FAM193A: variants seen among roughly 807,000 people sequenced by gnomAD.
FAM193A encodes the protein protein FAM193A.
Under a neutral mutation model 126.5 loss-of-function variants are expected in FAM193A, and 22 were observed. The observed-to-expected ratio is 0.17, with a 90% CI of 0.12 to 0.25. The LOEUF (loss-of-function observed/expected upper bound fraction) is 0.25. Among genes scored for constraint, FAM193A ranks in the 10% least tolerant of loss-of-function variants. The pLI, the probability that FAM193A is intolerant of heterozygous loss-of-function variation, is 1.00. For synonymous variants in FAM193A, 761 were observed against 646.8 expected, an observed-to-expected ratio of 1.18 and a Z score of -2.68; for missense variants, 1,675 against 1,672.8, an observed-to-expected ratio of 1.00 and a Z score of -0.02.
intron 7 of FAM193A, among the ~76,000 whole-genome samples, chr4:2,655,515 C>G (rs939001245): frequency 2.0e-5 from 3 of 152,018 alleles, no homozygotes; most frequent in Admixed American, 6.6e-5. Flanking sequence ...TTTCACACTG[C>G]TGGCCAGGCT....
chr4:2,730,419 G>A (rs1274894819), intron 20 of FAM193A, among the ~76,000 whole-genome samples: 2 of 152,124 alleles, frequency 1.3e-5, no homozygotes, highest in African/African-American at 4.8e-5. Flanking sequence ...GGCCGGGCGC[G>A]GTGGCTCACG....
chr4:2,640,377 A>T (rs1011171299), intron 6 of FAM193A, among the ~76,000 whole-genome samples: 19 of 152,140 alleles, frequency 1.2e-4, no homozygotes, highest in Admixed American at 3.3e-4. Context: ...TTCACTGAGA[A>T]AAAGGGGTGC....
In FAM193A at chr4:2,700,035, C is replaced by G; in HGVS notation, c.3863C>G (p.Pro1288Arg). ...SRHMNHSEPR[P>R]GLGADGDAAD... ...CATATGAACCACTCAGAGCCCAGGC[C>G]AGGGCTAGGGGCTGATGGGGATGCT... The change falls in exon 19 of 21, where the codon CCA becomes CGA. Residue 1288 changes from proline (P) to arginine (R), a missense_variant. Pro to Arg is a moderately radical substitution (Grantham distance 103, BLOSUM62 -2). Coordinates refer to ENST00000637812, the MANE Select transcript of FAM193A (RefSeq NM_001366318.2). The G allele has an allele frequency of 1.2e-6, 2 of 1,613,960 alleles. No homozygotes were observed. Among genetic ancestry groups the G allele is most frequent in the Admixed American group, 3.3e-5 (2 of 60,000 alleles).
At position 2,718,437 on chromosome 4, in the gene FAM193A, A is replaced by G. The variant is rs1396062584; in HGVS notation, c.4454+2333A>G. ...AAAATGTCAGTAATTAAAAAAAAAA[A>G]AAGTTTTGTCCGGGTGCTGTGGTTC... On this transcript the variant is annotated intron_variant, in intron 20 of 20. Transcript: ENST00000637812. 3.3e-5 allele frequency among the ~76,000 whole-genome samples: 5 copies of G among 152,216 alleles called. No individual in the cohort carries two copies. In the East Asian group the frequency reaches 9.6e-4, roughly 29 times the overall value.
chr4:2,697,068 C>T (rs1035657681), intron 18 of FAM193A, among the ~76,000 whole-genome samples: 1 of 152,278 alleles, frequency 6.6e-6, no homozygotes, highest in Admixed American at 6.5e-5. Context: ...TCTTGTCCCA[C>T]TGCTGTTCCA....
intron 2 of FAM193A, among the ~76,000 whole-genome samples, chr4:2,610,635 T>C (rs1741808283): frequency 6.6e-6 from 1 of 152,238 alleles, no homozygotes; most frequent in Non-Finnish European, 1.5e-5. Flanking sequence ...AATAATCCAT[T>C]GTATGGATAA....
chr4:2,567,070 GC>G (rs1465740808), intron 1 of FAM193A, among the ~76,000 whole-genome samples: 2 of 151,308 alleles, frequency 1.3e-5, no homozygotes, highest in Non-Finnish European at 2.9e-5. Context: ...CTCCCGAGTA[GC>G]CGGGACTACA....
intron 20 of FAM193A, among the ~76,000 whole-genome samples, chr4:2,731,391 G>A (rs1486647895): frequency 1.3e-5 from 2 of 151,588 alleles, no homozygotes; most frequent in Non-Finnish European, 2.9e-5. Context: ...TCACCATGTT[G>A]CCCAGGCTGG....
At chr4:2,674,432 A>T (rs1714169357) in intron 13 of FAM193A, among the ~76,000 whole-genome samples, 1 of 152,210 alleles carries the variant, frequency 6.6e-6, no homozygotes, top group Non-Finnish European at 1.5e-5. Flanking sequence ...CATTGGAGGA[A>T]GTTTCTTAGA....
chr4:2,665,823 A>C (rs965548151), intron 12 of FAM193A, among the ~76,000 whole-genome samples: 1 of 152,156 alleles, frequency 6.6e-6, no homozygotes, highest in Non-Finnish European at 1.5e-5. Context: ...CACCATACCC[A>C]GTCTGGATGC....
At chr4:2,621,382 G>A (rs563257337) in intron 2 of FAM193A, among the ~76,000 whole-genome samples, 1 of 152,232 alleles carries the variant, frequency 6.6e-6, no homozygotes, top group South Asian at 2.1e-4. Context: ...GAGGCCTGAT[G>A]GGACAGTATT....
intron 1 of FAM193A, among the ~76,000 whole-genome samples, chr4:2,544,011 C>T (rs1737401113): frequency 6.6e-6 from 1 of 151,672 alleles, no homozygotes; most frequent in Non-Finnish European, 1.5e-5. Flanking sequence ...ACTTAGAAGC[C>T]TTCCCTGTAT....
At chr4:2,678,252 G>A (rs2109195577) in intron 13 of FAM193A, among the ~76,000 whole-genome samples, 1 of 152,162 alleles carries the variant, frequency 6.6e-6, no homozygotes, top group South Asian at 2.1e-4. Context: ...CCAAAGTGGT[G>A]GGATTACAGG....
chr4:2,695,226 C>A, intron 17 of FAM193A, 97 bp downstream of exon 17: 1 of 998,778 alleles, frequency 1.0e-6, no homozygotes, highest in Non-Finnish European at 1.4e-6. Flanking sequence ...GGGGTATATT[C>A]CACTTCTAGG....
intron 2 of FAM193A, among the ~76,000 whole-genome samples, chr4:2,599,281 C>T (rs562033407): frequency 6.6e-6 from 1 of 151,534 alleles, no homozygotes; most frequent in Non-Finnish European, 1.5e-5. Context: ...AAAGGTGAAA[C>T]AGTAAGTGTG....
intron 8 of FAM193A, 52 bp downstream of exon 8, chr4:2,657,932 C>T: frequency 1.4e-5 from 17 of 1,205,468 alleles, no homozygotes; most frequent in Non-Finnish European, 2.0e-5. Flanking sequence ...TCTGTCCTGA[C>T]AGCAAATGAC....
chr4:2,685,372 T>C (rs1158668313), intron 13 of FAM193A, among the ~76,000 whole-genome samples: 7 of 152,178 alleles, frequency 4.6e-5, no homozygotes, highest in East Asian at 1.9e-4. Context: ...CAGTTAAATA[T>C]AGTTTAAAGT....
intron 4 of FAM193A, among the ~76,000 whole-genome samples, chr4:2,628,482 A>G (rs1273209112): frequency 1.3e-5 from 2 of 152,224 alleles, no homozygotes; most frequent in Non-Finnish European, 2.9e-5. Flanking sequence ...CACAAAATAA[A>G]AAAAATTAGC....
intron 1 of FAM193A, among the ~76,000 whole-genome samples, chr4:2,573,154 C>T (rs761238700): frequency 6.6e-6 from 1 of 151,930 alleles, no homozygotes; most frequent in Non-Finnish European, 1.5e-5. Flanking sequence ...TGTGTCTCTC[C>T]CTCTCCTGAA....
Sources: gnomAD v4.1 joint callset for allele counts (sites outside exome capture counted in the v4.1 genomes callset) on GRCh38, gnomAD v4.1.1 for gene constraint, MANE v1.5 for transcripts, NCBI Gene and HGNC (gene_info 2026-07-23, HGNC 2026-07-21) for gene names.